The following CHD9 variants were observed in gnomAD, a reference collection of about 807,000 sequenced individuals.
CHD9 encodes chromodomain helicase DNA binding protein 9, also known as ATP-dependent chromatin remodeler CHD9.
Under a neutral mutation model 316.1 loss-of-function variants are expected in CHD9, and 77 were observed. That is an observed-to-expected ratio of 0.24 (90% CI 0.20 to 0.29). CHD9 has a LOEUF of 0.29. Among genes scored for constraint, CHD9 ranks in the 10% least tolerant of loss-of-function variants. CHD9 has a pLI of 1.00. For missense variants in CHD9, 2,763 were observed against 3,438.1 expected (o/e 0.80, Z 4.91); for synonymous variants, 1,129 against 1,158.3 (o/e 0.97, Z 0.51).
intron 1 of CHD9, among the ~76,000 whole-genome samples, chr16:53,130,379 CGA>C (rs1204672701): frequency 6.6e-6 from 1 of 151,976 alleles, no homozygotes; most frequent in Non-Finnish European, 1.5e-5. Flanking sequence ...CCGAGCTGCC[CGA>C]GAGATGCCCT....
At chr16:53,127,173 G>A (rs1458093066) in intron 1 of CHD9, among the ~76,000 whole-genome samples, 1 of 151,950 alleles carries the variant, frequency 6.6e-6, no homozygotes, top group African/African-American at 2.4e-5. Flanking sequence ...TATTGCCCAG[G>A]CTGGTCTCAA....
intron 1 of CHD9, among the ~76,000 whole-genome samples, chr16:53,139,375 G>A (rs1185232705): frequency 1.3e-5 from 2 of 152,052 alleles, no homozygotes; most frequent in East Asian, 1.9e-4. Context: ...GTATTAATAA[G>A]GTGCTAATCA....
chr16:53,203,106 A>AT (rs1275852975), intron 2 of CHD9, among the ~76,000 whole-genome samples: 1 of 152,226 alleles, frequency 6.6e-6, no homozygotes, highest in Non-Finnish European at 1.5e-5. Flanking sequence ...TATTACTAAA[A>AT]TTAACTACAA....
intron 2 of CHD9, among the ~76,000 whole-genome samples, chr16:53,194,568 G>T (rs1277369419): frequency 2.0e-5 from 3 of 152,124 alleles, no homozygotes; most frequent in Non-Finnish European, 4.4e-5. Flanking sequence ...GTGAGACCCT[G>T]TCTCAAAAGA....
intron 1 of CHD9, among the ~76,000 whole-genome samples, chr16:53,102,020 T>G (rs1299129854): frequency 1.3e-5 from 2 of 152,170 alleles, no homozygotes; most frequent in Non-Finnish European, 2.9e-5. Flanking sequence ...TTGGGCCGCT[T>G]CCAGTTGATT....
At chr16:53,055,494 G>GCCC (rs3884211) in intron 1 of CHD9, among the ~76,000 whole-genome samples, 35,441 of 143,722 alleles carry the variant, frequency 0.25, 5,617 homozygotes, top group Non-Finnish European at 0.36. Context: ...TTCCACCCCC[G>GCCC]CCCCCCCCCA....
At position 53,324,329 on chromosome 16, in the gene CHD9, A is replaced by C; in HGVS notation, c.8128A>C (p.Met2710Leu). 6.2e-7 allele frequency: 1 copy of C among 1,613,976 alleles called. No homozygotes were observed. Among genetic ancestry groups the C allele is most frequent in the East Asian group, 2.2e-5 (1 of 44,880 alleles). The change falls in exon 39 of 39, where the codon ATG (methionine) becomes CTG (leucine). Residue 2710 changes from methionine (M) to leucine (L), a missense_variant. By Grantham distance (15) the Met-to-Leu change is conservative. Around this residue, in one of 15 missense-constraint regions of CHD9, gnomAD observed 298 missense variants for 380.2 expected, o/e 0.78. Coordinates refer to ENST00000447540, the MANE Select transcript of CHD9 (RefSeq NM_001308319.2). Reference protein sequence around the residue: ...SGGEAKNMAAMFPMLLSGMAG... With the variant: ...SGGEAKNMAALFPMLLSGMAG... ...AGGAGAAGCTAAAAACATGGCTGCT[A>C]TGTTCCCCATGCTGCTGTCAGGAAT...
chr16:53,168,734 C>A (rs2042453874), intron 2 of CHD9: 1 of 152,204 alleles, frequency 6.6e-6, no homozygotes, highest in Non-Finnish European at 1.5e-5. Flanking sequence ...TATAAAGAGA[C>A]TATTTTTGGG....
chr16:53,118,272 C>A (rs2038472364), intron 1 of CHD9, among the ~76,000 whole-genome samples: 1 of 152,118 alleles, frequency 6.6e-6, no homozygotes. Context: ...CAAAAATTAG[C>A]TAGGTGTAGA....
At chr16:53,121,234 T>G in intron 1 of CHD9, 1 of 407,416 alleles carries the variant, frequency 2.5e-6, no homozygotes, top group Non-Finnish European at 4.9e-6. Context: ...AAATACTTGC[T>G]GAGTGAATTC....
At chr16:53,197,731 C>T (rs1298772216) in intron 2 of CHD9, among the ~76,000 whole-genome samples, 7 of 151,544 alleles carry the variant, frequency 4.6e-5, no homozygotes, top group African/African-American at 9.7e-5. Context: ...ATCTCTGCGC[C>T]GCAACCTCCG....
At chr16:53,130,487 G>C (rs2039180093) in intron 1 of CHD9, among the ~76,000 whole-genome samples, 1 of 149,766 alleles carries the variant, frequency 6.7e-6, no homozygotes, top group South Asian at 2.1e-4. Context: ...GCCGCGGGGC[G>C]GGCGGCGCGA....
intron 10 of CHD9, among the ~76,000 whole-genome samples, chr16:53,232,409 A>G (rs900744838): frequency 6.6e-6 from 1 of 152,180 alleles, no homozygotes; most frequent in Admixed American, 6.5e-5. Flanking sequence ...CAAAAATTAG[A>G]GATGCCTTAG....
intron 1 of CHD9, among the ~76,000 whole-genome samples, chr16:53,091,563 T>C (rs997944049): frequency 6.6e-6 from 1 of 152,206 alleles, no homozygotes; most frequent in Admixed American, 6.5e-5. Context: ...ATTAGACCCC[T>C]GCCGTAGTTA....
intron 1 of CHD9, among the ~76,000 whole-genome samples, chr16:53,115,957 C>G (rs1426098333): frequency 6.6e-6 from 1 of 152,150 alleles, no homozygotes; most frequent in Non-Finnish European, 1.5e-5. Flanking sequence ...TGAAAAGGTT[C>G]CGAGACAAGG....
chr16:53,267,810 A>G, intron 21 of CHD9, 117 bp from the exon 22 acceptor site: 1 of 802,736 alleles, frequency 1.2e-6, no homozygotes, highest in Non-Finnish European at 2.0e-6. Flanking sequence ...TGGGTAGGGA[A>G]GACTTAATTA....
chr16:53,259,388 C>A (rs2050885897), intron 19 of CHD9, among the ~76,000 whole-genome samples: 1 of 152,076 alleles, frequency 6.6e-6, no homozygotes, highest in Non-Finnish European at 1.5e-5. Flanking sequence ...TTATTATACA[C>A]TGTAGCATAT....
chr16:53,235,115 C>T, intron 10 of CHD9, 70 bp from the exon 11 acceptor site: 1 of 1,304,632 alleles, frequency 7.7e-7, no homozygotes, highest in South Asian at 1.4e-5. Context: ...ATTTTTAAAC[C>T]AATGCTTTTT....
intron 1 of CHD9, among the ~76,000 whole-genome samples, chr16:53,123,895 T>G (rs572313679): frequency 6.0e-4 from 91 of 152,336 alleles, no homozygotes; most frequent in Non-Finnish European, 1.2e-3. Flanking sequence ...CTTAGCATTA[T>G]GTTTTCAAAG....
Sources: allele counts gnomAD v4.1 joint callset (sites outside exome capture counted in the v4.1 genomes callset), GRCh38; gene constraint gnomAD v4.1.1; regional missense constraint gnomAD v4.1.1; transcripts MANE v1.5; gene names NCBI Gene and HGNC (gene_info 2026-07-23, HGNC 2026-07-21).